The following MYO3B variants were observed in gnomAD, a reference collection of about 807,000 sequenced individuals.
MYO3B encodes myosin-IIIb.
A neutral mutation model predicts 174.6 loss-of-function variants in MYO3B; 156 were observed. The ratio of observed to expected loss-of-function variants is 0.89; its 90% CI spans 0.78 to 1.02. The LOEUF is 1.02. Among genes scored for constraint, MYO3B ranks in the 50% least tolerant of loss-of-function variants. MYO3B has a pLI of 0.00. For missense variants in MYO3B, 1,632 were observed against 1,639.4 expected (o/e 1.00, Z 0.08); for synonymous variants, 563 against 569.1 (o/e 0.99, Z 0.15).
At chr2:170,498,515 C>T in intron 25 of MYO3B, 77 bp from the exon 26 acceptor site, 1 of 945,702 alleles carries the variant, frequency 1.1e-6, no homozygotes, top group Non-Finnish European at 1.7e-6. Context: ...CAAGGTGTGT[C>T]AATGGTCCCG....
At chr2:170,500,026 C>T (rs1687159603) in intron 27 of MYO3B, among the ~76,000 whole-genome samples, 1 of 151,574 alleles carries the variant, frequency 6.6e-6, no homozygotes, top group South Asian at 2.1e-4. Context: ...GCCTACTACA[C>T]AGGTTCTGTG....
At chr2:170,471,790 G>A (rs927036362) in intron 25 of MYO3B, among the ~76,000 whole-genome samples, 4 of 152,000 alleles carry the variant, frequency 2.6e-5, no homozygotes, top group Non-Finnish European at 2.9e-5. Flanking sequence ...TTAGGAGTTC[G>A]AGACCAGCCT....
In MYO3B at chr2:170,567,551, C is replaced by G. The variant is rs552962677; in HGVS notation, c.3733+23563C>G. 7.2e-5 allele frequency among the ~76,000 whole-genome samples: 11 copies of G among 152,288 alleles called. No individual in the cohort carries two copies. The South Asian group carries it at 2.3e-3, about 32-fold the overall frequency. On this transcript the variant is annotated intron_variant, in intron 32 of 34. Transcript: ENST00000408978. ...ACAGGACACAAAACTCCAATCAGAG[C>G]AGCAAAGAACAAATCATTGCGCTTT... is the stretch of plus-strand genomic sequence containing the variant.
At position 170,580,718 on chromosome 2, in the gene MYO3B, A is replaced by ATATATATATATGTGTG. The variant is rs768974458; in HGVS notation, c.3733+36731_3733+36732insATATATATATGTGTGT. Among the ~76,000 whole-genome samples the ATATATATATATGTGTG allele has an allele frequency of 5.8e-3, 829 of 142,756 alleles. 7 individuals are homozygous for ATATATATATATGTGTG. The highest frequency in any genetic ancestry group is 0.018 in the African/African-American group (698 of 38,242). 93.7% of individuals were successfully genotyped at this position (142,756 alleles called of 152,430 possible). A position where few individuals can be genotyped will look rare whatever the true frequency, so the allele number is the denominator to read the frequency against. On this transcript the variant is annotated intron_variant, in intron 32 of 34. Coordinates refer to ENST00000408978, the MANE Select transcript of MYO3B (RefSeq NM_138995.5). ...CTTCAGGTCCCACAAAACCTTATATATGTGTGTGTGTGTGTGTGTGTGTGT... is the reference window on the plus strand; with the variant it reads ...CTTCAGGTCCCACAAAACCTTATATATATATATATATGTGTGTGTGTGTGTGTGTGTGTGTGTGTGT...
At chr2:170,293,142 C>A (rs1346551704) in intron 7 of MYO3B, among the ~76,000 whole-genome samples, 1 of 152,046 alleles carries the variant, frequency 6.6e-6, no homozygotes, top group Non-Finnish European at 1.5e-5. Context: ...TCATATTTGA[C>A]TTCTGGGTTG....
intron 1 of MYO3B, among the ~76,000 whole-genome samples, chr2:170,195,934 A>G (rs2092595355): frequency 6.6e-6 from 1 of 152,180 alleles, no homozygotes; most frequent in Admixed American, 6.5e-5. Flanking sequence ...ACCATCACAC[A>G]TATACCTAAA....
intron 30 of MYO3B, among the ~76,000 whole-genome samples, chr2:170,535,531 T>C (rs1472673518): frequency 6.6e-6 from 1 of 152,204 alleles, no homozygotes; most frequent in African/African-American, 2.4e-5. Context: ...TAGAATTGTG[T>C]GATTATCTGG....
At chr2:170,607,357 A>G (rs941017123) in intron 32 of MYO3B, among the ~76,000 whole-genome samples, 2 of 152,260 alleles carry the variant, frequency 1.3e-5, no homozygotes, top group East Asian at 1.9e-4. Flanking sequence ...GTGCTATACT[A>G]CATGGGTCAG....
chr2:170,332,865 G>A (rs1363282212), intron 7 of MYO3B, among the ~76,000 whole-genome samples: 5 of 152,120 alleles, frequency 3.3e-5, no homozygotes, highest in African/African-American at 1.2e-4. Context: ...CTATACTAAA[G>A]TGGATATTCA....
rs773498914 is a variant in MYO3B at position 170,214,792 on chromosome 2, C to T, written c.490C>T (p.Leu164=). The change falls in exon 5 of 35, where the codon CTG becomes TTG. Residue 164 remains leucine, a synonymous_variant. Coordinates refer to ENST00000408978, the MANE Select transcript of MYO3B (RefSeq NM_138995.5). ...HRDVKGNNIL[L]TTEGGVKLVD... ...TGATGTGAAGGGGAATAACATTCTTCTGACAACAGAAGGAGGAGTTAAGCT... is the reference window on the plus strand; with the variant it reads ...TGATGTGAAGGGGAATAACATTCTTTTGACAACAGAAGGAGGAGTTAAGCT... 1 of 1,614,086 alleles carries T rather than the reference C, an allele frequency of 6.2e-7. No homozygotes were observed. The highest frequency in any genetic ancestry group is 1.7e-5 in the Admixed American group (1 of 60,028).
intron 22 of MYO3B, among the ~76,000 whole-genome samples, chr2:170,433,887 C>T (rs1349190702): frequency 6.6e-6 from 1 of 152,188 alleles, no homozygotes; most frequent in African/African-American, 2.4e-5. Context: ...ATAAATTATC[C>T]ATGTTCTTTT....
intron 6 of MYO3B, among the ~76,000 whole-genome samples, chr2:170,217,794 C>T (rs1405981831): frequency 2.0e-5 from 3 of 152,182 alleles, no homozygotes; most frequent in African/African-American, 7.2e-5. Context: ...GAACTATATG[C>T]GGTGGCCCTG....
At chr2:170,520,305 C>T (rs1478325685) in intron 30 of MYO3B, among the ~76,000 whole-genome samples, 2 of 151,978 alleles carry the variant, frequency 1.3e-5, no homozygotes, top group African/African-American at 2.4e-5. Flanking sequence ...GAGAAACCTA[C>T]AGCCAGGCAT....
chr2:170,523,788 G>T (rs1406374043), intron 30 of MYO3B, among the ~76,000 whole-genome samples: 4 of 152,186 alleles, frequency 2.6e-5, no homozygotes, highest in Non-Finnish European at 5.9e-5. Flanking sequence ...ATGGAAAGGG[G>T]CTTCTTCTCA....
At chr2:170,296,522 A>T (rs146992290) in intron 7 of MYO3B, among the ~76,000 whole-genome samples, 147 of 152,318 alleles carry the variant, frequency 9.7e-4, no homozygotes, top group African/African-American at 3.5e-3. Context: ...ACTACAAAAT[A>T]ACATTGTGTG....
At chr2:170,461,775 TAAAA>T in intron 23 of MYO3B, among the ~76,000 whole-genome samples, 1 of 144,850 alleles carries the variant, frequency 6.9e-6, no homozygotes, top group Admixed American at 6.8e-5. Context: ...AAACTCCGTT[TAAAA>T]AAAAAAAAAA....
chr2:170,519,274 G>C, intron 29 of MYO3B, among the ~76,000 whole-genome samples, 164 bp from the exon 30 acceptor site: 1 of 152,056 alleles, frequency 6.6e-6, no homozygotes, highest in East Asian at 1.9e-4. Flanking sequence ...CTGGAATCGA[G>C]AACAGCTCAA....
intron 32 of MYO3B, among the ~76,000 whole-genome samples, chr2:170,555,973 A>G (rs1407852641): frequency 2.6e-5 from 4 of 152,272 alleles, no homozygotes; most frequent in Middle Eastern, 6.8e-3. Context: ...AGACAGGTGG[A>G]TCACTTGAGG....
At chr2:170,511,370 A>G (rs906032982) in intron 28 of MYO3B, among the ~76,000 whole-genome samples, 3 of 152,042 alleles carry the variant, frequency 2.0e-5, no homozygotes, top group Non-Finnish European at 4.4e-5. Flanking sequence ...CCAGCCTTAG[A>G]GCATTTTCCT....
Sources: allele counts gnomAD v4.1 joint callset (sites outside exome capture counted in the v4.1 genomes callset), GRCh38; gene constraint gnomAD v4.1.1; transcripts MANE v1.5; gene names NCBI Gene and HGNC (gene_info 2026-07-23, HGNC 2026-07-21).